The following ANKRD55 variants were observed in gnomAD, a reference collection of about 807,000 sequenced individuals.
ANKRD55 encodes the protein ankyrin repeat domain-containing protein 55.
ANKRD55 carries 41 observed loss-of-function variants against 60.6 expected under a neutral mutation model. That is an observed-to-expected ratio of 0.68 (90% CI 0.53 to 0.88). ANKRD55 has a LOEUF of 0.88. Ranked by LOEUF, ANKRD55 falls within the 40% of genes least tolerant of loss-of-function variation. The pLI, the probability that ANKRD55 is intolerant of heterozygous loss-of-function variation, is 0.00. For missense variants in ANKRD55, 732 were observed against 767.6 expected (o/e 0.95, Z 0.55); for synonymous variants, 264 against 290.3 (o/e 0.91, Z 0.92).
At chr5:56,174,779 C>T (rs113643031) in intron 4 of ANKRD55, among the ~76,000 whole-genome samples, 3,355 of 147,774 alleles carry the variant, frequency 0.023, 37 homozygotes, top group Middle Eastern at 0.056. Context: ...CTGCAGTGAG[C>T]TGAGATCGCA....
At chr5:56,120,639 C>T (rs1757017498) in intron 8 of ANKRD55, among the ~76,000 whole-genome samples, 1 of 152,174 alleles carries the variant, frequency 6.6e-6, no homozygotes, top group Admixed American at 6.5e-5. Flanking sequence ...GTGGCTCACA[C>T]CTGTAATCCC....
intron 7 of ANKRD55, 83 bp downstream of exon 7, chr5:56,143,718 T>C (rs746139927): frequency 3.9e-4 from 611 of 1,576,816 alleles, no homozygotes; most frequent in Middle Eastern, 7.5e-4. Flanking sequence ...ACCTCCATCT[T>C]TAAAGTTTGA....
chr5:56,131,795 CAAAAAAAAAAA>C (rs34898025), intron 7 of ANKRD55, among the ~76,000 whole-genome samples: 10 of 26,786 alleles, frequency 3.7e-4, no homozygotes, highest in Middle Eastern at 0.038. Flanking sequence ...GACTCCGTCT[CAAAAAAAAAAA>C]AAAAAAAAAA....
At chr5:56,187,892 C>T (rs1266613014) in intron 2 of ANKRD55, among the ~76,000 whole-genome samples, 2 of 152,142 alleles carry the variant, frequency 1.3e-5, no homozygotes, top group African/African-American at 2.4e-5. Flanking sequence ...CCACCATCTT[C>T]GGAGCTCTAA....
chr5:56,124,816 C>T (rs1327273337), intron 8 of ANKRD55, among the ~76,000 whole-genome samples: 1 of 152,032 alleles, frequency 6.6e-6, no homozygotes, highest in African/African-American at 2.4e-5. Context: ...CTGAAAAATT[C>T]AACTATTAAC....
At position 56,127,072 on chromosome 5, in the gene ANKRD55, C is replaced by A; in HGVS notation, c.647G>T (p.Ser216Ile). ...GATTATGGACGGCCCCTGGTGATGG[C>A]TCAGAATGATGGAGCACAGAATCCT... ...GNRILCSIILSHHQGPSIINY... is the reference protein window; with the variant it reads ...GNRILCSIILIHHQGPSIINY... Residue 216 changes from serine (S) to isoleucine (I), a missense_variant, in exon 8 of 12, where the codon AGC (serine) becomes ATC (isoleucine). Ser to Ile is a moderately radical substitution (Grantham distance 142). Coordinates refer to ENST00000341048, the MANE Select transcript of ANKRD55 (RefSeq NM_024669.3). 6.2e-7 allele frequency: 1 copy of A among 1,613,082 alleles called. No individual in the cohort carries two copies.
chr5:56,228,769 G>A (rs1289087713), intron 2 of ANKRD55, among the ~76,000 whole-genome samples: 4 of 152,130 alleles, frequency 2.6e-5, no homozygotes, highest in African/African-American at 4.8e-5. Context: ...CCAGAACTGT[G>A]AGAGGATAAA....
At chr5:56,135,294 G>GCTTGCTTTCTTT (rs1757547051) in intron 7 of ANKRD55, among the ~76,000 whole-genome samples, 2 of 84,460 alleles carry the variant, frequency 2.4e-5, no homozygotes, top group African/African-American at 9.4e-5. Flanking sequence ...CTGCCTGCTT[G>GCTTGCTTTCTTT]CTTTCTTTCT....
intron 2 of ANKRD55, among the ~76,000 whole-genome samples, chr5:56,211,562 G>A (rs980828040): frequency 1.1e-4 from 17 of 152,136 alleles, no homozygotes; most frequent in Admixed American, 4.6e-4. Flanking sequence ...CTTGGATCCC[G>A]CCCTCTGACC....
intron 7 of ANKRD55, among the ~76,000 whole-genome samples, chr5:56,139,813 C>T (rs1223590401): frequency 1.3e-5 from 2 of 152,134 alleles, no homozygotes; most frequent in African/African-American, 4.8e-5. Context: ...TGGCTCATGC[C>T]TGTAATCCCG....
intron 6 of ANKRD55, among the ~76,000 whole-genome samples, chr5:56,157,350 T>C (rs1758218960): frequency 6.6e-6 from 1 of 152,166 alleles, no homozygotes. Context: ...TTTCTCCCCA[T>C]GTGATAGTCT....
intron 8 of ANKRD55, among the ~76,000 whole-genome samples, chr5:56,125,398 A>C (rs1026108410): frequency 7.9e-5 from 12 of 151,694 alleles, no homozygotes; most frequent in African/African-American, 2.7e-4. Context: ...CTCCTGCCTC[A>C]GCCTCCTGAG....
At chr5:56,104,268 A>G (rs1355084962) in intron 10 of ANKRD55, among the ~76,000 whole-genome samples, 2 of 152,006 alleles carry the variant, frequency 1.3e-5, no homozygotes, top group Non-Finnish European at 2.9e-5. Context: ...TATCATCCTC[A>G]TTTTACAAAT....
chr5:56,132,670 A>G (rs955562751), intron 7 of ANKRD55, among the ~76,000 whole-genome samples: 1 of 152,150 alleles, frequency 6.6e-6, no homozygotes, highest in Non-Finnish European at 1.5e-5. Flanking sequence ...AACTATATGA[A>G]TAATCACTCT....
chr5:56,149,593 A>AT (rs1757991239), intron 6 of ANKRD55, among the ~76,000 whole-genome samples: 1 of 152,230 alleles, frequency 6.6e-6, no homozygotes, highest in African/African-American at 2.4e-5. Flanking sequence ...CCATCATAGC[A>AT]GGGATGAAGC....
intron 6 of ANKRD55, among the ~76,000 whole-genome samples, chr5:56,144,590 T>C (rs1757851775): frequency 6.6e-6 from 1 of 152,126 alleles, no homozygotes; most frequent in African/African-American, 2.4e-5. Flanking sequence ...GGGATAACTG[T>C]CTCTGCATAA....
chr5:56,140,869 T>A (rs952994651), intron 7 of ANKRD55, among the ~76,000 whole-genome samples: 1 of 151,940 alleles, frequency 6.6e-6, no homozygotes. Flanking sequence ...TCGAGACCAG[T>A]CTGACCCATG....
intron 10 of ANKRD55, among the ~76,000 whole-genome samples, chr5:56,107,307 G>A (rs1289697187): frequency 6.6e-6 from 1 of 152,072 alleles, no homozygotes; most frequent in African/African-American, 2.4e-5. Context: ...AAAATTGGTT[G>A]AAAAAAATAT....
chr5:56,121,436 A>C lies in ANKRD55; in HGVS notation c.798-4654T>G, dbSNP rs561478303. Among the ~76,000 whole-genome samples, 8 of 147,684 alleles carry C rather than the reference A, an allele frequency of 5.4e-5. No individual in the cohort carries two copies. The South Asian group carries it at 1.5e-3, about 28-fold the overall frequency. ...TCACTAGGTTGGGGTGCAGTGGCAC[A>C]ATCTCGGCTCACTGCAACCTCCGCC... is the stretch of plus-strand genomic sequence containing the variant. On this transcript the variant is annotated intron_variant, in intron 8 of 11. Transcript: ENST00000341048.
Sources: allele counts gnomAD v4.1 joint callset (sites outside exome capture counted in the v4.1 genomes callset), GRCh38; gene constraint gnomAD v4.1.1; transcripts MANE v1.5; gene names NCBI Gene and HGNC (gene_info 2026-07-23, HGNC 2026-07-21).